Variants in NCALD observed in about 807,000 individuals in gnomAD.
NCALD encodes neurocalcin delta.
A neutral mutation model predicts 18.6 loss-of-function variants in NCALD; 10 were observed. That is an observed-to-expected ratio of 0.54 (90% CI 0.33 to 0.91). The LOEUF (loss-of-function observed/expected upper bound fraction) is 0.91. Ranked by LOEUF, NCALD falls within the 40% of genes least tolerant of loss-of-function variation. The pLI is 0.03. For synonymous variants in NCALD, 88 were observed against 87.4 expected (o/e 1.01, Z -0.04); for missense variants, 184 against 247.6 (o/e 0.74, Z 1.72).
chr8:101,906,636 T>C (rs1413563772), intron 3 of NCALD, among the ~76,000 whole-genome samples: 3 of 152,228 alleles, frequency 2.0e-5, no homozygotes, highest in Non-Finnish European at 2.9e-5. Context: ...ATACCTTTCA[T>C]TGCAGTCACT....
chr8:102,004,187 G>C (rs1181992539), intron 2 of NCALD, among the ~76,000 whole-genome samples: 2 of 151,752 alleles, frequency 1.3e-5, no homozygotes, highest in African/African-American at 4.8e-5. Context: ...AAAGTCTCAG[G>C]ATACAAAATC....
At chr8:101,705,768 A>T (rs1457409739) in intron 2 of NCALD, among the ~76,000 whole-genome samples, 1 of 152,218 alleles carries the variant, frequency 6.6e-6, no homozygotes, top group Non-Finnish European at 1.5e-5. Flanking sequence ...ACAGAGGCAC[A>T]GAGGGAGGTC....
Position 101,689,203 on chromosome 8 carries a change from CG to C in NCALD, c.*105del. 9.9e-7 allele frequency: 1 copy of C among 1,009,664 alleles called. No individual in the cohort carries two copies. Among genetic ancestry groups the C allele is most frequent in the Non-Finnish European group, 1.5e-6 (1 of 662,446 alleles). The allele number at this position is 1,009,664 out of a possible 1,614,324, so 62.5% of individuals were successfully genotyped here. On this transcript the variant is annotated 3_prime_UTR_variant, in exon 4 of 4. Coordinates refer to ENST00000220931, the MANE Select transcript of NCALD (RefSeq NM_032041.3). The surrounding 1 kb of genome is among the most constrained non-coding windows in gnomAD (Gnocchi z 4.4). ...AAGGCGCATCAGACCGCACAGGGGA[CG>C]GCATCACCATTGATATTGTTTGGCA...
intron 4 of NCALD, among the ~76,000 whole-genome samples, chr8:101,821,445 AG>A (rs1813713922): frequency 6.6e-6 from 1 of 152,182 alleles, no homozygotes; most frequent in Non-Finnish European, 1.5e-5. Flanking sequence ...AACTTTCTCA[AG>A]GTCACACAGC....
intron 1 of NCALD, among the ~76,000 whole-genome samples, chr8:101,744,715 G>A (rs931815679): frequency 6.6e-6 from 1 of 151,986 alleles, no homozygotes; most frequent in African/African-American, 2.4e-5. Flanking sequence ...TATTACAATC[G>A]GCAGGCTGTT....
chr8:102,056,177 C>T (rs543934764), intron 1 of NCALD, among the ~76,000 whole-genome samples: 14 of 152,280 alleles, frequency 9.2e-5, no homozygotes, highest in Admixed American at 5.9e-4. Context: ...AATGATTTAA[C>T]TGCATTATTT....
chr8:101,803,406 T>C (rs1812942486), intron 4 of NCALD, among the ~76,000 whole-genome samples: 1 of 152,206 alleles, frequency 6.6e-6, no homozygotes. Flanking sequence ...CTGATGAAGA[T>C]ATACAAGGAG....
intron 4 of NCALD, among the ~76,000 whole-genome samples, chr8:101,883,198 ACT>A (rs1479288047): frequency 1.3e-5 from 2 of 152,068 alleles, no homozygotes; most frequent in African/African-American, 2.4e-5. Context: ...ACAGTGAGAC[ACT>A]CTGACTCGAC....
chr8:102,111,824 T>C (rs1031368204), intron 1 of NCALD, among the ~76,000 whole-genome samples: 62 of 152,112 alleles, frequency 4.1e-4, no homozygotes, highest in African/African-American at 1.2e-3. Context: ...CACACATAAA[T>C]GATACATACA....
At chr8:101,998,168 G>A (rs930027856) in intron 2 of NCALD, among the ~76,000 whole-genome samples, 1 of 152,010 alleles carries the variant, frequency 6.6e-6, no homozygotes, top group Non-Finnish European at 1.5e-5. Flanking sequence ...AGGCAAACAG[G>A]GTCTTTATGC....
chr8:101,859,304 C>T (rs1035785034), intron 4 of NCALD, among the ~76,000 whole-genome samples: 10 of 152,190 alleles, frequency 6.6e-5, no homozygotes, highest in African/African-American at 2.2e-4. Flanking sequence ...CACAGACTGA[C>T]GGTTGCACTG....
intron 1 of NCALD, among the ~76,000 whole-genome samples, chr8:101,761,514 T>C (rs990309049): frequency 1.3e-5 from 2 of 152,098 alleles, no homozygotes; most frequent in African/African-American, 4.8e-5. Context: ...CTCCAGAAAA[T>C]CTCTTGGATG....
chr8:101,841,361 C>A (rs970411450), intron 4 of NCALD, among the ~76,000 whole-genome samples: 2 of 152,202 alleles, frequency 1.3e-5, no homozygotes, highest in Non-Finnish European at 2.9e-5. Flanking sequence ...AATAGCCACC[C>A]CTTCTTCCCT....
chr8:102,114,379 C>T (rs1487232953), intron 1 of NCALD, among the ~76,000 whole-genome samples: 1 of 152,178 alleles, frequency 6.6e-6, no homozygotes, highest in African/African-American at 2.4e-5. Context: ...AAAGCCCAAC[C>T]AGAAAACTAA....
At chr8:101,714,954 G>A (rs543595915) in intron 2 of NCALD, among the ~76,000 whole-genome samples, 34 of 149,344 alleles carry the variant, frequency 2.3e-4, no homozygotes, top group African/African-American at 5.1e-4. Flanking sequence ...CCGAGATTGC[G>A]CCACTGCAGT....
chr8:101,957,324 C>A (rs1586824274), intron 2 of NCALD, among the ~76,000 whole-genome samples: 2 of 120,418 alleles, frequency 1.7e-5, no homozygotes, highest in Non-Finnish European at 1.6e-5. Flanking sequence ...TAGCACAAAG[C>A]CTTAATCTGA....
intron 4 of NCALD, among the ~76,000 whole-genome samples, chr8:101,801,893 C>T (rs1469199283): frequency 1.3e-5 from 2 of 151,896 alleles, no homozygotes; most frequent in Non-Finnish European, 2.9e-5. Flanking sequence ...GTCTCCATCT[C>T]CTGACCTCGT....
At position 101,769,341 on chromosome 8, in the gene NCALD, G is replaced by A. The variant is rs904510169; in HGVS notation, c.-20+21521C>T. On this transcript the variant is annotated intron_variant, in intron 1 of 3. Transcript: ENST00000220931. Reference sequence around the variant, plus strand: ...CTCAATTTATTTATATCCATATAATGTCTCCTAGTATTTCAAACAGCTCAT... The same window carrying A: ...CTCAATTTATTTATATCCATATAATATCTCCTAGTATTTCAAACAGCTCAT... Among the ~76,000 whole-genome samples, 4 of 152,232 alleles carry A rather than the reference G, an allele frequency of 2.6e-5. No individual in the cohort carries two copies. The East Asian group carries it at 7.7e-4, about 29-fold the overall frequency.
At chr8:101,923,934 T>C (rs1818253030) in intron 2 of NCALD, among the ~76,000 whole-genome samples, 1 of 152,202 alleles carries the variant, frequency 6.6e-6, no homozygotes, top group Non-Finnish European at 1.5e-5. Context: ...TTTCAACTTG[T>C]ATTATAGATT....
Sources: gnomAD v4.1 joint callset for allele counts (sites outside exome capture counted in the v4.1 genomes callset) on GRCh38, gnomAD v4.1.1 for gene constraint, Gnocchi (gnomAD v3.1) non-coding constraint, MANE v1.5 for transcripts, NCBI Gene and HGNC (gene_info 2026-07-23, HGNC 2026-07-21) for gene names.